The following KCNIP1 variants were observed in gnomAD, a reference collection of about 807,000 sequenced individuals.
The protein encoded by KCNIP1 is A-type potassium channel modulatory protein KCNIP1.
In KCNIP1, 18 loss-of-function variants were observed where a neutral mutation model predicts 33.0. The ratio of observed to expected loss-of-function variants is 0.55; its 90% CI spans 0.38 to 0.81. The LOEUF is 0.81. KCNIP1 is among the 30% of genes least tolerant of loss of function. The probability of loss-of-function intolerance (pLI) is 0.00; values close to 1 mark genes in which losing one functional copy is unlikely to be tolerated. For missense variants in KCNIP1, 238 were observed against 271.6 expected (o/e 0.88, Z 0.87); for synonymous variants, 93 against 98.3 (o/e 0.95, Z 0.32).
intron 1 of KCNIP1, among the ~76,000 whole-genome samples, chr5:170,657,454 TCA>T (rs1761317529): frequency 6.6e-6 from 1 of 152,166 alleles, no homozygotes. Context: ...GGCTCAGGCC[TCA>T]GTTTCCATCT....
At chr5:170,685,046 C>T (rs1274075286) in intron 1 of KCNIP1, among the ~76,000 whole-genome samples, 1 of 152,138 alleles carries the variant, frequency 6.6e-6, no homozygotes, top group East Asian at 1.9e-4. Context: ...GCTCCCAGAA[C>T]ATACCTCCTT....
intron 1 of KCNIP1, among the ~76,000 whole-genome samples, chr5:170,668,603 G>A (rs79031047): frequency 0.053 from 8,125 of 152,282 alleles, 300 homozygotes; most frequent in Non-Finnish European, 0.083. Context: ...CAGTACAGAC[G>A]GCATGCTTGG....
At chr5:170,505,225 ACAT>A (rs1754666443) in intron 1 of KCNIP1, among the ~76,000 whole-genome samples, 1 of 152,208 alleles carries the variant, frequency 6.6e-6, no homozygotes, top group Admixed American at 6.5e-5. Context: ...AGCTGAGCTT[ACAT>A]CAAGGATTAA....
At chr5:170,384,557 A>C (rs1357804139) in intron 1 of KCNIP1, among the ~76,000 whole-genome samples, 4 of 152,228 alleles carry the variant, frequency 2.6e-5, no homozygotes, top group Non-Finnish European at 5.9e-5. Context: ...TTAGTAAATC[A>C]GTTGTGCTTC....
intron 1 of KCNIP1, among the ~76,000 whole-genome samples, chr5:170,668,168 G>A (rs148169664): frequency 6.6e-6 from 1 of 152,358 alleles, no homozygotes; most frequent in African/African-American, 2.4e-5. Flanking sequence ...AGAACTCTAA[G>A]AGGTTAAGCA....
chr5:170,710,165 A>T (rs186646), intron 1 of KCNIP1, among the ~76,000 whole-genome samples: 1 of 152,110 alleles, frequency 6.6e-6, no homozygotes, highest in Non-Finnish European at 1.5e-5. Flanking sequence ...CTGTGCCTGG[A>T]CTGTGATTTC....
intron 1 of KCNIP1, among the ~76,000 whole-genome samples, chr5:170,355,836 C>A (rs1763332546): frequency 6.6e-6 from 1 of 152,230 alleles, no homozygotes. Context: ...CTGTGAACTG[C>A]TTCAGTACAG....
At chr5:170,704,957 G>T (rs1464218307) in intron 1 of KCNIP1, among the ~76,000 whole-genome samples, 2 of 152,088 alleles carry the variant, frequency 1.3e-5, no homozygotes, top group East Asian at 3.9e-4. Flanking sequence ...ATTTTTATTG[G>T]CCTTTCACTG....
At chr5:170,628,320 T>C (rs1284897165) in intron 1 of KCNIP1, among the ~76,000 whole-genome samples, 2 of 152,126 alleles carry the variant, frequency 1.3e-5, no homozygotes, top group Non-Finnish European at 2.9e-5. Flanking sequence ...ACTTGCTTTA[T>C]AGAAATCATG....
chr5:170,463,445 T>C (rs1415168286), intron 1 of KCNIP1, among the ~76,000 whole-genome samples: 1 of 152,062 alleles, frequency 6.6e-6, no homozygotes, highest in Non-Finnish European at 1.5e-5. Flanking sequence ...GTAAACTGAA[T>C]CCAGCAGTCT....
intron 1 of KCNIP1, among the ~76,000 whole-genome samples, chr5:170,452,074 C>G (rs1050175740): frequency 6.6e-6 from 1 of 152,098 alleles, no homozygotes; most frequent in Non-Finnish European, 1.5e-5. Context: ...ATTCCTCAGG[C>G]CTGCTTCCCA....
chr5:170,522,819 G>A (rs2113312696), intron 1 of KCNIP1, among the ~76,000 whole-genome samples: 1 of 152,342 alleles, frequency 6.6e-6, no homozygotes, highest in African/African-American at 2.4e-5. Context: ...ACAGCAGGAA[G>A]GAGAGGAAGC....
chr5:170,722,819 A>T lies in KCNIP1; in HGVS notation c.434A>T (p.Glu145Val). The part of the protein sequence containing the change: ...DINKDGYINK[E>V]EMMDIVKAIY... ...AACAAGGACGGATACATAAACAAAG[A>T]GGTAAGTGAGCTGGGGCCAGGGGTG... is the stretch of plus-strand genomic sequence containing the variant. The change falls in exon 5 of 8, where the codon GAG becomes GTG. Residue 145 changes from glutamate (E) to valine (V), a missense_variant and splice_region_variant. Transcript: ENST00000328939. 1 of 1,603,506 alleles carries T rather than the reference A, an allele frequency of 6.2e-7. No individual in the cohort carries two copies. The highest frequency in any genetic ancestry group is 8.5e-7 in the Non-Finnish European group (1 of 1,170,540).
At chr5:170,364,453 T>C (rs1449298779) in intron 1 of KCNIP1, among the ~76,000 whole-genome samples, 1 of 152,246 alleles carries the variant, frequency 6.6e-6, no homozygotes, top group African/African-American at 2.4e-5. Flanking sequence ...AAATAAAAAA[T>C]GAATCATATA....
At chr5:170,482,602 T>C (rs1024200440) in intron 1 of KCNIP1, among the ~76,000 whole-genome samples, 1 of 152,152 alleles carries the variant, frequency 6.6e-6, no homozygotes, top group South Asian at 2.1e-4. Context: ...TGTTAGTGTT[T>C]TGAGGAATCA....
At chr5:170,674,978 T>G (rs549840390) in intron 1 of KCNIP1, among the ~76,000 whole-genome samples, 6 of 150,212 alleles carry the variant, frequency 4.0e-5, no homozygotes, top group East Asian at 1.9e-4. Context: ...TTGTTTTGTT[T>G]TTTTTTTTTT....
chr5:170,474,842 T>C (rs1756816296), intron 1 of KCNIP1, among the ~76,000 whole-genome samples: 1 of 151,708 alleles, frequency 6.6e-6, no homozygotes. Flanking sequence ...ACCCAAAGAG[T>C]GAGCAGCAGC....
At chr5:170,719,852 G>A (rs886781526) in intron 2 of KCNIP1, among the ~76,000 whole-genome samples, 1 of 152,122 alleles carries the variant, frequency 6.6e-6, no homozygotes, top group African/African-American at 2.4e-5. Context: ...GGATCCTGTG[G>A]GAAAGTTTTC....
intron 1 of KCNIP1, among the ~76,000 whole-genome samples, chr5:170,552,114 C>A (rs1442732578): frequency 6.7e-6 from 1 of 148,840 alleles, no homozygotes; most frequent in East Asian, 2.0e-4. Flanking sequence ...CTGCCTTTAC[C>A]CAGTCTTCAT....
Sources: gnomAD v4.1 joint callset for allele counts (sites outside exome capture counted in the v4.1 genomes callset) on GRCh38, gnomAD v4.1.1 for gene constraint, MANE v1.5 for transcripts, NCBI Gene and HGNC (gene_info 2026-07-23, HGNC 2026-07-21) for gene names.